CCDC149: variants seen among roughly 807,000 people sequenced by gnomAD.
CCDC149 encodes the protein coiled-coil domain containing 149, also known as coiled-coil domain-containing protein 149.
In CCDC149, 45 loss-of-function variants were observed where a neutral mutation model predicts 59.9. That is an observed-to-expected ratio of 0.75 (90% CI 0.59 to 0.96). CCDC149 has a LOEUF of 0.96. CCDC149 is among the 40% of genes least tolerant of loss of function. The pLI is 0.00. For missense variants in CCDC149, 584 were observed against 664.7 expected, an observed-to-expected ratio of 0.88 and a Z score of 1.33; for synonymous variants, 245 against 260.6, an observed-to-expected ratio of 0.94 and a Z score of 0.58.
At chr4:24,942,607 G>C (rs1271016382) in intron 1 of CCDC149, among the ~76,000 whole-genome samples, 1 of 152,170 alleles carries the variant, frequency 6.6e-6, no homozygotes, top group Non-Finnish European at 1.5e-5. Flanking sequence ...AAGTCGAATT[G>C]TCCCTGTTTG....
chr4:24,921,532 G>A (rs1003190714), intron 1 of CCDC149, among the ~76,000 whole-genome samples: 2 of 152,158 alleles, frequency 1.3e-5, no homozygotes, highest in Non-Finnish European at 2.9e-5. Context: ...ACCTTAAAGA[G>A]GTAGGCAAAG....
At chr4:24,862,460 G>A (rs764241313) in intron 3 of CCDC149, among the ~76,000 whole-genome samples, 2 of 152,204 alleles carry the variant, frequency 1.3e-5, no homozygotes, top group Non-Finnish European at 2.9e-5. Flanking sequence ...TCTCTAGTTT[G>A]TCTGTGGGTG....
intron 4 of CCDC149, among the ~76,000 whole-genome samples, chr4:24,845,145 T>G (rs779952179): frequency 2.4e-4 from 36 of 152,158 alleles, no homozygotes; most frequent in Non-Finnish European, 4.1e-4. Flanking sequence ...CTATGTCAAG[T>G]GCTTTATAGA....
At chr4:24,821,600 C>T (rs1249268022) in intron 10 of CCDC149, among the ~76,000 whole-genome samples, 1 of 152,192 alleles carries the variant, frequency 6.6e-6, no homozygotes, top group Non-Finnish European at 1.5e-5. Context: ...GTCCACCTGC[C>T]TCACTGTGCT....
chr4:24,967,473 T>C (rs532127657), intron 1 of CCDC149, among the ~76,000 whole-genome samples: 2 of 152,104 alleles, frequency 1.3e-5, no homozygotes, highest in Non-Finnish European at 2.9e-5. Context: ...ATGGATTTGA[T>C]AGCCAATTTG....
At chr4:24,915,439 GCGCCCT>G (rs1325940901), upstream of CCDC149, among the ~76,000 whole-genome samples, 26 of 152,252 alleles carry the variant, frequency 1.7e-4, no homozygotes, top group African/African-American at 6.0e-4. Flanking sequence ...TGCTCCTTTG[GCGCCCT>G]CACTGGTATT....
rs147024979 is a variant in CCDC149 at position 24,852,231 on chromosome 4, C to T, written c.372+841G>A. On this transcript the variant is annotated intron_variant, in intron 4 of 12. Coordinates refer to ENST00000635206, the MANE Select transcript of CCDC149 (RefSeq NM_001330643.2). ...ATGAAAGTCACCATCATTTGTCAAG[C>T]AATTTGGTAACATCTAAAAACATTT... Among the ~76,000 whole-genome samples the T allele has an allele frequency of 1.4e-4, 21 of 150,964 alleles. No homozygotes were observed. In the East Asian group the frequency reaches 3.9e-3, roughly 28 times the overall value.
chr4:24,949,937 G>C (rs903210872), intron 1 of CCDC149, among the ~76,000 whole-genome samples: 6 of 152,226 alleles, frequency 3.9e-5, no homozygotes, highest in Non-Finnish European at 7.3e-5. Flanking sequence ...AGAGGGGACA[G>C]CAGAGGTGGC....
intron 11 of CCDC149, chr4:24,820,330 T>C: frequency 5.1e-6 from 1 of 195,740 alleles, no homozygotes; most frequent in African/African-American, 2.3e-5. Context: ...AGAACTGAAT[T>C]CACAAAGTCA....
intron 1 of CCDC149, among the ~76,000 whole-genome samples, chr4:24,900,117 T>C (rs1721081573): frequency 6.6e-6 from 1 of 152,178 alleles, no homozygotes; most frequent in South Asian, 2.1e-4. Context: ...ACAATGCATA[T>C]CACAGCATAG....
chr4:24,891,805 C>G (rs73250620), intron 1 of CCDC149, among the ~76,000 whole-genome samples: 17,652 of 152,016 alleles, frequency 0.12, 1,119 homozygotes, highest in Non-Finnish European at 0.13. Flanking sequence ...TTGAGACAGG[C>G]TTTGGCAGCA....
chr4:24,852,927 T>C (rs113245178), intron 4 of CCDC149, 145 bp downstream of exon 4: 1 of 623,972 alleles, frequency 1.6e-6, no homozygotes, highest in Non-Finnish European at 2.8e-6. Context: ...TAAGATACGC[T>C]AAACTGCGAA....
chr4:24,928,826 A>G (rs1053669658), intron 1 of CCDC149, among the ~76,000 whole-genome samples: 1 of 152,214 alleles, frequency 6.6e-6, no homozygotes, highest in African/African-American at 2.4e-5. Flanking sequence ...AGCTGAAATG[A>G]GTCCAGAAGG....
At chr4:24,920,176 A>G (rs1298310082) in intron 1 of CCDC149, among the ~76,000 whole-genome samples, 1 of 152,200 alleles carries the variant, frequency 6.6e-6, no homozygotes, top group Non-Finnish European at 1.5e-5. Context: ...GTTTATTACC[A>G]TCTCTTCTGG....
chr4:24,859,588 C>T (rs1167008936), intron 3 of CCDC149, among the ~76,000 whole-genome samples: 2 of 152,108 alleles, frequency 1.3e-5, no homozygotes, highest in Non-Finnish European at 2.9e-5. Flanking sequence ...TACTGGAAGT[C>T]CTAGCAAGAG....
intron 12 of CCDC149, among the ~76,000 whole-genome samples, chr4:24,818,278 T>A (rs1197379878): frequency 6.6e-6 from 1 of 151,368 alleles, no homozygotes; most frequent in East Asian, 1.9e-4. Flanking sequence ...GCAGGAAGAG[T>A]TGGTGATGTC....
intron 3 of CCDC149, among the ~76,000 whole-genome samples, chr4:24,872,207 G>A (rs1322716835): frequency 6.6e-6 from 1 of 152,230 alleles, no homozygotes; most frequent in Non-Finnish European, 1.5e-5. Context: ...ATAAGGATTT[G>A]ATGATAAAAA....
At chr4:24,817,903 T>G (rs1439667018) in intron 12 of CCDC149, among the ~76,000 whole-genome samples, 1 of 152,130 alleles carries the variant, frequency 6.6e-6, no homozygotes, top group African/African-American at 2.4e-5. Context: ...GTTGGAAAGG[T>G]AGGCTAGGCC....
Position 24,837,247 on chromosome 4 carries a change from C to A in CCDC149, c.643G>T (p.Ala215Ser), listed in dbSNP as rs1268753550. Residue 215 changes from alanine to serine, a missense_variant, in exon 6 of 13, where the codon GCC becomes TCC. Transcript: ENST00000635206. This position sits in a 1 kb window ranked among gnomAD's most constrained non-coding sequence, Gnocchi z 4.3. The stretch of plus-strand genomic sequence containing the variant: ...ACTTGCCTGTTCTCCATACACAGGG[C>A]GTCCACGTCAATGATGCGGTTCTCG... The A allele has an allele frequency of 3.7e-6, 6 of 1,614,028 alleles. No individual in the cohort carries two copies. The highest frequency in any genetic ancestry group is 5.1e-6 in the Non-Finnish European group (6 of 1,179,998).
Sources: gnomAD v4.1 joint callset for allele counts (sites outside exome capture counted in the v4.1 genomes callset) on GRCh38, gnomAD v4.1.1 for gene constraint, Gnocchi (gnomAD v3.1) non-coding constraint, MANE v1.5 for transcripts, NCBI Gene and HGNC (gene_info 2026-07-23, HGNC 2026-07-21) for gene names.